Variants in STK10 observed in about 807,000 individuals in gnomAD.
STK10 encodes the protein serine/threonine-protein kinase 10.
STK10 carries 78 observed loss-of-function variants against 113.8 expected under a neutral mutation model. The ratio of observed to expected loss-of-function variants is 0.69; its 90% CI spans 0.57 to 0.83. The LOEUF is 0.83. Ranked by LOEUF, STK10 falls within the 40% of genes least tolerant of loss-of-function variation. The probability of loss-of-function intolerance (pLI) is 0.00; values close to 1 mark genes in which losing one functional copy is unlikely to be tolerated. For synonymous variants in STK10, 465 were observed against 494.7 expected (o/e 0.94, Z 0.80); for missense variants, 1,109 against 1,280.1 (o/e 0.87, Z 2.04).
At chr5:172,151,972 C>A (rs1770244025) in intron 2 of STK10, among the ~76,000 whole-genome samples, 1 of 152,264 alleles carries the variant, frequency 6.6e-6, no homozygotes, top group Non-Finnish European at 1.5e-5. Flanking sequence ...CTTTCTGCCC[C>A]CACACATTTG....
At chr5:172,079,547 A>T (rs1053928052) in intron 12 of STK10, among the ~76,000 whole-genome samples, 13 of 140,324 alleles carry the variant, frequency 9.3e-5, no homozygotes, top group African/African-American at 3.3e-4. Flanking sequence ...ATATATACAT[A>T]TATTTATTTA....
intron 1 of STK10, among the ~76,000 whole-genome samples, chr5:172,173,846 GAGGC>G (rs1770704901): frequency 6.6e-6 from 1 of 152,222 alleles, no homozygotes; most frequent in Non-Finnish European, 1.5e-5. Context: ...TCTTGTGTGT[GAGGC>G]AGGACAGTGA....
intron 18 of STK10, among the ~76,000 whole-genome samples, chr5:172,048,414 T>TCCACACACACACACACAC (rs1554114845): frequency 1.6e-5 from 2 of 128,394 alleles, no homozygotes; most frequent in Non-Finnish European, 1.6e-5. Flanking sequence ...TCCCTCTCCC[T>TCCACACACACACACACAC]ACACACACAC....
chr5:172,095,344 C>G (rs59930910), intron 8 of STK10, among the ~76,000 whole-genome samples: 1,728 of 152,302 alleles, frequency 0.011, 31 homozygotes, highest in African/African-American at 0.038. Context: ...CCAATACCCA[C>G]AGGACAAAGA....
intron 2 of STK10, among the ~76,000 whole-genome samples, chr5:172,150,875 C>T (rs1029556560): frequency 6.6e-6 from 1 of 152,204 alleles, no homozygotes; most frequent in Non-Finnish European, 1.5e-5. Flanking sequence ...GTAACCACGG[C>T]GCCAGCCAAC....
chr5:172,158,500 G>A (rs944329262), intron 1 of STK10, among the ~76,000 whole-genome samples: 5 of 152,104 alleles, frequency 3.3e-5, no homozygotes, highest in Middle Eastern at 3.4e-3. Context: ...GGTGGTGGGC[G>A]CCTGTAATCC....
At chr5:172,184,813 C>A (rs920859434) in intron 1 of STK10, among the ~76,000 whole-genome samples, 1 of 151,978 alleles carries the variant, frequency 6.6e-6, no homozygotes, top group African/African-American at 2.4e-5. Context: ...CCACCACACC[C>A]GGCTAATTTT....
At chr5:172,046,126 A>G (rs374840796) in intron 18 of STK10, among the ~76,000 whole-genome samples, 11 of 151,746 alleles carry the variant, frequency 7.2e-5, no homozygotes, top group Admixed American at 2.0e-4. Context: ...TTGGGAGGCC[A>G]AGGCGGGCGG....
intron 7 of STK10, among the ~76,000 whole-genome samples, chr5:172,098,131 T>C (rs1405574771): frequency 2.0e-5 from 3 of 152,194 alleles, no homozygotes; most frequent in Non-Finnish European, 4.4e-5. Context: ...ACAAGATTGC[T>C]GGGGAAGTAT....
intron 10 of STK10, among the ~76,000 whole-genome samples, chr5:172,085,762 C>CTA (rs1281727970): frequency 6.6e-6 from 1 of 151,982 alleles, no homozygotes; most frequent in East Asian, 1.9e-4. Flanking sequence ...AACCAAACTA[C>CTA]TACAGAAAGA....
At chr5:172,166,060 A>T (rs2087613) in intron 1 of STK10, among the ~76,000 whole-genome samples, 97,087 of 151,834 alleles carry the variant, frequency 0.64, 31,799 homozygotes, top group African/African-American at 0.8. Flanking sequence ...CCCAAAGCGC[A>T]GGGATTACAG....
intron 1 of STK10, among the ~76,000 whole-genome samples, chr5:172,174,512 G>A (rs1189136016): frequency 6.6e-6 from 1 of 152,066 alleles, no homozygotes; most frequent in Non-Finnish European, 1.5e-5. Flanking sequence ...TACCCTCCGC[G>A]GGCCCTGTTC....
At position 172,083,087 on chromosome 5, in the gene STK10, G is replaced by GA; in HGVS notation, c.1686-4dup. 1 of 1,614,080 alleles carries GA rather than the reference G, an allele frequency of 6.2e-7. No individual in the cohort carries two copies. Among genetic ancestry groups the GA allele is most frequent in the Non-Finnish European group, 8.5e-7 (1 of 1,180,042 alleles). On this transcript the variant is annotated splice_region_variant and splice_polypyrimidine_tract_variant and intron_variant, in intron 10 of 18. Coordinates refer to ENST00000176763, the MANE Select transcript of STK10 (RefSeq NM_005990.4). ...GAAGCTCTCGGAGTTCCTGGCGCCT[G>GA]AAAGGTTAAAGGATACAGATATTTC...
At chr5:172,074,316 G>A (rs1335691035) in intron 12 of STK10, among the ~76,000 whole-genome samples, 1 of 152,180 alleles carries the variant, frequency 6.6e-6, no homozygotes, top group African/African-American at 2.4e-5. Flanking sequence ...CAATCGTCAA[G>A]ACACTGTAGT....
intron 18 of STK10, among the ~76,000 whole-genome samples, chr5:172,046,097 G>A (rs1767488099): frequency 6.6e-6 from 1 of 151,758 alleles, no homozygotes; most frequent in African/African-American, 2.4e-5. Flanking sequence ...CGGTGTCTCA[G>A]CCTTGTAATC....
intron 9 of STK10, among the ~76,000 whole-genome samples, chr5:172,091,925 C>T (rs1166129967): frequency 6.6e-6 from 1 of 152,218 alleles, no homozygotes; most frequent in Non-Finnish European, 1.5e-5. Context: ...TGGCAGGTCT[C>T]TTGACCCCTT....
At position 172,170,923 on chromosome 5, in the gene STK10, C is replaced by T. The variant is rs537685428; in HGVS notation, c.157-14135G>A. 9.1e-4 allele frequency among the ~76,000 whole-genome samples: 139 copies of T among 152,264 alleles called. 1 individual carries two copies. The highest frequency in any genetic ancestry group is 3.3e-3 in the African/African-American group (136 of 41,552). On this transcript the variant is annotated intron_variant, in intron 1 of 18. Transcript: ENST00000176763. ...CGGAGTTGCAGAGGGGAGAGGACTCCGGGGTCCACAGAGGAGGAGGAAGTG... is the reference window on the plus strand; with the variant it reads ...CGGAGTTGCAGAGGGGAGAGGACTCTGGGGTCCACAGAGGAGGAGGAAGTG...
chr5:172,127,991 A>G (rs1769661482), intron 2 of STK10, among the ~76,000 whole-genome samples: 1 of 152,216 alleles, frequency 6.6e-6, no homozygotes, highest in South Asian at 2.1e-4. Context: ...TTGTTCCTGG[A>G]CTGGAAGCAG....
intron 12 of STK10, among the ~76,000 whole-genome samples, chr5:172,079,209 C>A (rs1051336232): frequency 6.6e-6 from 1 of 152,210 alleles, no homozygotes; most frequent in Admixed American, 6.5e-5. Flanking sequence ...GTGCCAATCT[C>A]CCCTTTGCTT....
Sources: allele counts gnomAD v4.1 joint callset (sites outside exome capture counted in the v4.1 genomes callset), GRCh38; gene constraint gnomAD v4.1.1; transcripts MANE v1.5; gene names NCBI Gene and HGNC (gene_info 2026-07-23, HGNC 2026-07-21).